PSD3: variants seen among roughly 807,000 people sequenced by gnomAD.
PSD3 encodes the protein pleckstrin and Sec7 domain containing 3, also known as PH and SEC7 domain-containing protein 3.
A neutral mutation model predicts 105.5 loss-of-function variants in PSD3; 49 were observed. That is an observed-to-expected ratio of 0.46 (90% CI 0.37 to 0.59). PSD3 has a LOEUF of 0.59. Among genes scored for constraint, PSD3 ranks in the 20% least tolerant of loss-of-function variants. PSD3 has a pLI of 0.00. For missense variants in PSD3, 1,561 were observed against 1,263.8 expected (o/e 1.24, Z -3.57); for synonymous variants, 557 against 457.8 (o/e 1.22, Z -2.77).
intron 1 of PSD3, among the ~76,000 whole-genome samples, chr8:18,964,403 T>A (rs530998198): frequency 6.6e-6 from 1 of 152,306 alleles, no homozygotes; most frequent in East Asian, 1.9e-4. Context: ...GGATTACAGG[T>A]GTGAGCTACA....
chr8:18,577,241 A>T (rs1442499964), intron 12 of PSD3, among the ~76,000 whole-genome samples: 2 of 152,042 alleles, frequency 1.3e-5, no homozygotes, highest in Non-Finnish European at 2.9e-5. Flanking sequence ...GATATTCATA[A>T]TTTTATTGGC....
intron 9 of PSD3, among the ~76,000 whole-genome samples, chr8:18,752,952 G>A (rs1202749900): frequency 6.6e-6 from 1 of 151,770 alleles, no homozygotes; most frequent in Admixed American, 6.6e-5. Flanking sequence ...TCCAGGAGCA[G>A]GAATTCACTT....
At chr8:18,811,515 G>A (rs994622197) in intron 4 of PSD3, among the ~76,000 whole-genome samples, 7 of 152,150 alleles carry the variant, frequency 4.6e-5, no homozygotes, top group South Asian at 2.1e-4. Flanking sequence ...AGAAGGTGAC[G>A]TTTGCTCTGG....
chr8:18,584,796 G>C (rs1212530018), intron 12 of PSD3, among the ~76,000 whole-genome samples: 1 of 152,156 alleles, frequency 6.6e-6, no homozygotes, highest in Non-Finnish European at 1.5e-5. Context: ...CAAAAAGGTG[G>C]GGGGCTCCTT....
chr8:18,781,888 T>C (rs1051583293), intron 8 of PSD3, among the ~76,000 whole-genome samples: 1 of 152,186 alleles, frequency 6.6e-6, no homozygotes, highest in Non-Finnish European at 1.5e-5. Flanking sequence ...GTTTTTATTT[T>C]TTTTAAAAAT....
At chr8:18,995,171 C>T (rs1317993503) in intron 1 of PSD3, among the ~76,000 whole-genome samples, 1 of 152,100 alleles carries the variant, frequency 6.6e-6, no homozygotes, top group Non-Finnish European at 1.5e-5. Context: ...GGCAAATTGG[C>T]CCCAGTACTG....
At chr8:18,863,846 G>A (rs750566332) in intron 4 of PSD3, among the ~76,000 whole-genome samples, 1 of 152,112 alleles carries the variant, frequency 6.6e-6, no homozygotes. Context: ...GAGAGTAACA[G>A]GGAAGAACAG....
chr8:19,043,614 A>G (rs531971995), intron 1 of PSD3, among the ~76,000 whole-genome samples: 9 of 152,306 alleles, frequency 5.9e-5, no homozygotes, highest in Middle Eastern at 6.8e-3. Context: ...TAAATTGCCG[A>G]TGGAATGGTA....
At chr8:18,936,934 A>G (rs1409138478) in intron 1 of PSD3, among the ~76,000 whole-genome samples, 2 of 152,190 alleles carry the variant, frequency 1.3e-5, no homozygotes, top group Non-Finnish European at 2.9e-5. Flanking sequence ...CAGGAACACC[A>G]TTCAGCCGAA....
intron 4 of PSD3, among the ~76,000 whole-genome samples, chr8:18,817,846 G>A (rs781538107): frequency 6.6e-6 from 1 of 152,172 alleles, no homozygotes; most frequent in African/African-American, 2.4e-5. Flanking sequence ...AAAGCAAAGT[G>A]GACAGAATGC....
chr8:18,891,881 C>T (rs1818803468), intron 2 of PSD3, among the ~76,000 whole-genome samples: 1 of 152,156 alleles, frequency 6.6e-6, no homozygotes. Context: ...CATCCTCACC[C>T]TAACTTTGGG....
At chr8:18,542,608 T>C (rs933056204) in intron 15 of PSD3, among the ~76,000 whole-genome samples, 3 of 152,194 alleles carry the variant, frequency 2.0e-5, no homozygotes, top group Non-Finnish European at 4.4e-5. Context: ...TAGTTCCAGA[T>C]AGGGCACATT....
chr8:19,042,127 G>A (rs980705908), intron 1 of PSD3, among the ~76,000 whole-genome samples: 2 of 152,160 alleles, frequency 1.3e-5, no homozygotes, highest in Non-Finnish European at 2.9e-5. Flanking sequence ...ACAGCTGAAT[G>A]AACATGTGGC....
At chr8:18,714,088 T>C (rs774157784) in intron 9 of PSD3, among the ~76,000 whole-genome samples, 99 of 152,078 alleles carry the variant, frequency 6.5e-4, no homozygotes, top group Non-Finnish European at 1.2e-3. Flanking sequence ...ATGCATAAAA[T>C]TGAAACTGTA....
At chr8:18,857,301 T>G (rs571069609) in intron 4 of PSD3, among the ~76,000 whole-genome samples, 1 of 152,290 alleles carries the variant, frequency 6.6e-6, no homozygotes, top group East Asian at 1.9e-4. Context: ...AACTTCAACG[T>G]GATCATGGAT....
intron 3 of PSD3, 144 bp downstream of exon 3, chr8:18,871,482 C>T: frequency 9.4e-7 from 1 of 1,062,850 alleles, no homozygotes; most frequent in Non-Finnish European, 1.3e-6. Context: ...CTTAGAAGGA[C>T]CTAGCTCACA....
intron 1 of PSD3, chr8:18,989,429 T>C (rs1325450942): frequency 6.6e-6 from 1 of 152,170 alleles, no homozygotes; most frequent in Non-Finnish European, 1.5e-5. Flanking sequence ...AAATTTGGTA[T>C]TTGGTTTTAT....
At chr8:18,913,123 A>ACACT (rs1820359119) in intron 2 of PSD3, among the ~76,000 whole-genome samples, 4 of 127,282 alleles carry the variant, frequency 3.1e-5, no homozygotes, top group African/African-American at 1.1e-4. Flanking sequence ...ACACACACAC[A>ACACT]CTCTCCTTCT....
At chr8:19,047,300 C>T (rs1371511160) in intron 1 of PSD3, among the ~76,000 whole-genome samples, 1 of 152,134 alleles carries the variant, frequency 6.6e-6, no homozygotes, top group Admixed American at 6.5e-5. Flanking sequence ...CCTGTGGCCT[C>T]CAGGGTACAG....
Sources: allele counts gnomAD v4.1 joint callset (sites outside exome capture counted in the v4.1 genomes callset), GRCh38; gene constraint gnomAD v4.1.1; transcripts MANE v1.5; gene names NCBI Gene and HGNC (gene_info 2026-07-23, HGNC 2026-07-21).